SMAD6: variants seen among roughly 807,000 people sequenced by gnomAD.
The protein encoded by SMAD6 is SMAD family member 6, also known as MAD homolog 6.
SMAD6 carries 103 observed loss-of-function variants against 39.4 expected under a neutral mutation model. The observed-to-expected ratio is 2.62, with a 90% CI of 2.23 to 3.08. The LOEUF (loss-of-function observed/expected upper bound fraction) is 3.08. SMAD6 is among the 30% of genes most tolerant of loss of function. SMAD6 has a pLI of 0.00. For missense variants in SMAD6, 1,104 were observed against 742.9 expected (o/e 1.49, Z -5.65); for synonymous variants, 445 against 353.3 (o/e 1.26, Z -2.91).
At chr15:66,714,774 T>C (rs1361048471) in intron 2 of SMAD6, among the ~76,000 whole-genome samples, 1 of 152,146 alleles carries the variant, frequency 6.6e-6, no homozygotes, top group African/African-American at 2.4e-5. Context: ...AAACACTAGA[T>C]GTGAGGGTTT....
intron 3 of SMAD6, chr15:66,740,974 G>A (rs1567104042): frequency 6.6e-6 from 1 of 152,224 alleles, no homozygotes; most frequent in South Asian, 2.1e-4. Flanking sequence ...AGGGAAATTA[G>A]CAGGAACGAG....
intron 3 of SMAD6, among the ~76,000 whole-genome samples, 167 bp from the exon 4 acceptor site, chr15:66,780,830 C>T (rs1488146049): frequency 3.9e-5 from 6 of 152,092 alleles, no homozygotes; most frequent in Non-Finnish European, 7.3e-5. Flanking sequence ...TCCCGTTGTG[C>T]GCCATATTTC....
chr15:66,704,534 A>G, intron 1 of SMAD6: 1 of 155,566 alleles, frequency 6.4e-6, no homozygotes, highest in Non-Finnish European at 1.4e-5. Flanking sequence ...AAGTTGTGAA[A>G]TTGGGTGTAC....
rs1894217701 is a variant in SMAD6 at position 66,762,503 on chromosome 15, C to T, written c.953-18494C>T. On this transcript the variant is annotated intron_variant, in intron 3 of 3. Transcript: ENST00000288840. ...TGGGTGGAGCTCCCTGTGTTCAAGG[C>T]CTGGGCAGCCCTCCGTGGTGGGGTG... is the stretch of plus-strand genomic sequence containing the variant. Among the ~76,000 whole-genome samples the T allele has an allele frequency of 2.6e-5, 4 of 152,274 alleles. No homozygotes were observed. In the South Asian group the frequency reaches 8.3e-4, roughly 32 times the overall value.
intron 3 of SMAD6, chr15:66,741,122 T>G (rs1042846102): frequency 4.0e-5 from 6 of 151,344 alleles, no homozygotes; most frequent in African/African-American, 1.5e-4. Flanking sequence ...GTTTAAAAAA[T>G]AACAATAATA....
intron 1 of SMAD6, chr15:66,707,616 G>T (rs1256999453): frequency 3.3e-5 from 5 of 152,276 alleles, no homozygotes; most frequent in Non-Finnish European, 7.3e-5. Context: ...CCTCTTGCTG[G>T]CGCCAGCCGG....
chr15:66,703,257 G>A lies in SMAD6; in HGVS notation c.-2G>A. 6.9e-7 allele frequency: 1 copy of A among 1,449,924 alleles called. No homozygotes were observed. The highest frequency in any genetic ancestry group is 9.1e-7 in the Non-Finnish European group (1 of 1,099,184). The allele number at this position is 1,449,924 out of a possible 1,614,324, so 89.8% of individuals were successfully genotyped here. A position where few individuals can be genotyped will look rare whatever the true frequency, so the allele number is the denominator to read the frequency against. On this transcript the variant is annotated 5_prime_UTR_variant, in exon 1 of 4. Coordinates refer to ENST00000288840, the MANE Select transcript of SMAD6 (RefSeq NM_005585.5). ...CCCACCCCTGGCGCCAAAGGATATCGTATGTTCAGGTCCAAACGCTCGGGG... is the reference window on the plus strand; with the variant it reads ...CCCACCCCTGGCGCCAAAGGATATCATATGTTCAGGTCCAAACGCTCGGGG...
intron 3 of SMAD6, among the ~76,000 whole-genome samples, chr15:66,726,600 G>A (rs1305185038): frequency 6.6e-6 from 1 of 152,148 alleles, no homozygotes; most frequent in Non-Finnish European, 1.5e-5. Flanking sequence ...CTCACAGGGC[G>A]AAGGCCAGAG....
chr15:66,760,945 GAA>G (rs1257233511), intron 3 of SMAD6, among the ~76,000 whole-genome samples: 1 of 152,202 alleles, frequency 6.6e-6, no homozygotes, highest in Non-Finnish European at 1.5e-5. Flanking sequence ...ATCAGAGTCA[GAA>G]AAGGGGCCTC....
Position 66,781,232 on chromosome 15 carries a change from G to C in SMAD6, c.1188G>C (p.Glu396Asp). The C allele has an allele frequency of 6.2e-7, 1 of 1,608,628 alleles. No homozygotes were observed. The highest frequency in any genetic ancestry group is 8.5e-7 in the Non-Finnish European group (1 of 1,179,626). The change falls in exon 4 of 4, where the codon GAG (glutamate) becomes GAC (aspartate). Residue 396 changes from glutamate (E) to aspartate (D), a missense_variant. Glu to Asp is a conservative substitution (Grantham distance 45). Transcript: ENST00000288840. ...KIGFGILLSKEPDGVWAYNRG... is the reference protein window; with the variant it reads ...KIGFGILLSKDPDGVWAYNRG... ...GCTTCGGCATCCTGCTCAGCAAGGA[G>C]CCCGACGGCGTGTGGGCCTACAACC...
intron 3 of SMAD6, among the ~76,000 whole-genome samples, chr15:66,733,405 T>C (rs1893663947): frequency 6.6e-6 from 1 of 152,254 alleles, no homozygotes; most frequent in Admixed American, 6.5e-5. Context: ...TTTGACAATA[T>C]TGGTTCTTAT....
chr15:66,749,622 A>G (rs1257989332), intron 3 of SMAD6, among the ~76,000 whole-genome samples: 1 of 151,990 alleles, frequency 6.6e-6, no homozygotes, highest in Non-Finnish European at 1.5e-5. Context: ...TCAAAAAAAC[A>G]AAAAAATTTA....
chr15:66,713,388 C>T (rs989265056), intron 2 of SMAD6, among the ~76,000 whole-genome samples: 2 of 152,124 alleles, frequency 1.3e-5, no homozygotes, highest in East Asian at 1.9e-4. Context: ...GGCGTGAATT[C>T]GGCCCACTGC....
At chr15:66,750,699 A>G (rs1358327007) in intron 3 of SMAD6, among the ~76,000 whole-genome samples, 1 of 152,168 alleles carries the variant, frequency 6.6e-6, no homozygotes, top group Admixed American at 6.5e-5. Flanking sequence ...TGTAGGTGGC[A>G]TTATCAAGCC....
intron 3 of SMAD6, among the ~76,000 whole-genome samples, chr15:66,736,545 G>A (rs1347137343): frequency 1.3e-5 from 2 of 152,180 alleles, no homozygotes; most frequent in Non-Finnish European, 2.9e-5. Flanking sequence ...TGAGGGTGCT[G>A]CCTGACAGCA....
intron 3 of SMAD6, among the ~76,000 whole-genome samples, chr15:66,775,510 G>A (rs1300437292): frequency 2.0e-5 from 3 of 152,138 alleles, no homozygotes; most frequent in Non-Finnish European, 4.4e-5. Context: ...TGGGAAGACT[G>A]AGGCCAGAGG....
At chr15:66,758,196 G>A (rs187744891) in intron 3 of SMAD6, among the ~76,000 whole-genome samples, 274 of 152,194 alleles carry the variant, frequency 1.8e-3, no homozygotes, top group Non-Finnish European at 3.3e-3. Flanking sequence ...TTAATATGAA[G>A]TAATACATGA....
At chr15:66,711,421 G>A (rs984515835) in intron 1 of SMAD6, among the ~76,000 whole-genome samples, 3 of 152,194 alleles carry the variant, frequency 2.0e-5, no homozygotes, top group Admixed American at 2.0e-4. Flanking sequence ...GGCTCAGAGA[G>A]GTGAAGTAAG....
At chr15:66,760,171 G>A (rs1312744870) in intron 3 of SMAD6, among the ~76,000 whole-genome samples, 1 of 141,268 alleles carries the variant, frequency 7.1e-6, no homozygotes, top group Non-Finnish European at 1.5e-5. Flanking sequence ...TGGTTGTGAT[G>A]TCTCTGTGTT....
Sources: gnomAD v4.1 joint callset for allele counts (sites outside exome capture counted in the v4.1 genomes callset) on GRCh38, gnomAD v4.1.1 for gene constraint, MANE v1.5 for transcripts, NCBI Gene and HGNC (gene_info 2026-07-23, HGNC 2026-07-21) for gene names.